CNTNAP2: variants seen among roughly 807,000 people sequenced by gnomAD.
CNTNAP2 encodes contactin associated protein 2.
A neutral mutation model predicts 155.2 loss-of-function variants in CNTNAP2; 98 were observed. The ratio of observed to expected loss-of-function variants is 0.63; its 90% CI spans 0.54 to 0.75. The LOEUF is 0.75. CNTNAP2 is among the 30% of genes least tolerant of loss of function. CNTNAP2 has a pLI of 0.00. For missense variants in CNTNAP2, 1,727 were observed against 1,688.1 expected (o/e 1.02, Z -0.40); for synonymous variants, 651 against 631.2 (o/e 1.03, Z -0.47).
At chr7:147,391,333 G>A (rs775305868) in intron 9 of CNTNAP2, among the ~76,000 whole-genome samples, 6 of 152,082 alleles carry the variant, frequency 3.9e-5, no homozygotes, top group Non-Finnish European at 7.4e-5. Context: ...TCTGCCCTCT[G>A]TGTTAGTTCT....
intron 21 of CNTNAP2, among the ~76,000 whole-genome samples, chr7:148,292,922 A>T (rs1456886576): frequency 6.6e-6 from 1 of 152,170 alleles, no homozygotes; most frequent in East Asian, 1.9e-4. Flanking sequence ...CAAGTAGCAG[A>T]TGGCTATAAT....
At chr7:148,355,305 C>T (rs936382866) in intron 21 of CNTNAP2, among the ~76,000 whole-genome samples, 5 of 150,860 alleles carry the variant, frequency 3.3e-5, no homozygotes, top group Non-Finnish European at 4.4e-5. Flanking sequence ...CCTCAGCCTC[C>T]GGAGTAAGCC....
intron 15 of CNTNAP2, among the ~76,000 whole-genome samples, chr7:148,033,765 A>G (rs1441560980): frequency 6.6e-6 from 1 of 152,232 alleles, no homozygotes; most frequent in Non-Finnish European, 1.5e-5. Context: ...GTGCAAGTGT[A>G]TGTGCATATA....
At chr7:146,631,048 G>GA (rs574487180) in intron 1 of CNTNAP2, among the ~76,000 whole-genome samples, 6 of 151,504 alleles carry the variant, frequency 4.0e-5, no homozygotes, top group Admixed American at 2.0e-4. Context: ...CACAGAATTA[G>GA]AAAAAAAACT....
Position 148,062,004 on chromosome 7 carries a change from T to TG in CNTNAP2, c.2384-56114_2384-56113insG, listed in dbSNP as rs1374200271. 3.0e-5 allele frequency among the ~76,000 whole-genome samples: 3 copies of TG among 98,506 alleles called. 1 individual carries two copies. Among genetic ancestry groups the TG allele is most frequent in the African/African-American group, 1.1e-4 (2 of 18,174 alleles). The allele number at this position is 98,506 out of a possible 152,430, so 64.6% of individuals were successfully genotyped here. Reference sequence around the variant, plus strand: ...ATAGATAGATAGATAGATAGATAGATAGATGATAGAGAGAGAGAGAGAGAG... The same window carrying TG: ...ATAGATAGATAGATAGATAGATAGATGAGATGATAGAGAGAGAGAGAGAGAG... On this transcript the variant is annotated intron_variant, in intron 15 of 23. Transcript: ENST00000361727.
chr7:146,975,528 A>G (rs1174790670), intron 3 of CNTNAP2, among the ~76,000 whole-genome samples: 2 of 152,126 alleles, frequency 1.3e-5, no homozygotes, highest in African/African-American at 4.8e-5. Context: ...AATCCACATC[A>G]CTGCTGTGCA....
intron 9 of CNTNAP2, among the ~76,000 whole-genome samples, chr7:147,360,269 T>C (rs1445316450): frequency 1.3e-5 from 2 of 152,316 alleles, no homozygotes; most frequent in East Asian, 1.9e-4. Flanking sequence ...TCAGCAATGA[T>C]ATCTAGTCTA....
chr7:148,356,009 G>T (rs527609796), intron 21 of CNTNAP2, among the ~76,000 whole-genome samples: 1 of 152,298 alleles, frequency 6.6e-6, no homozygotes, highest in African/African-American at 2.4e-5. Flanking sequence ...AATAAAATAA[G>T]TACCTTCTAG....
At chr7:146,513,401 T>C (rs2129135926) in intron 1 of CNTNAP2, among the ~76,000 whole-genome samples, 1 of 152,058 alleles carries the variant, frequency 6.6e-6, no homozygotes, top group Non-Finnish European at 1.5e-5. Context: ...ATCTTCCGTT[T>C]GGGTTTAGTA....
intron 14 of CNTNAP2, among the ~76,000 whole-genome samples, chr7:147,923,698 AT>A (rs200711986): frequency 0.018 from 2,437 of 137,758 alleles, 80 homozygotes; most frequent in African/African-American, 0.062. Flanking sequence ...AAAAAAAAAA[AT>A]TTCTAGAGAT....
intron 8 of CNTNAP2, among the ~76,000 whole-genome samples, chr7:147,261,324 G>A (rs1292980682): frequency 1.3e-5 from 2 of 152,096 alleles, no homozygotes; most frequent in Non-Finnish European, 2.9e-5. Context: ...TCCTTACTAA[G>A]CAAATTTCTC....
At chr7:147,545,167 A>T (rs562379033) in intron 11 of CNTNAP2, among the ~76,000 whole-genome samples, 6 of 152,280 alleles carry the variant, frequency 3.9e-5, no homozygotes, top group African/African-American at 1.4e-4. Context: ...AATTTTTAAG[A>T]TAAAAATATT....
At chr7:147,668,979 T>TA (rs1430657971) in intron 13 of CNTNAP2, among the ~76,000 whole-genome samples, 1 of 152,136 alleles carries the variant, frequency 6.6e-6, no homozygotes, top group Non-Finnish European at 1.5e-5. Context: ...TCTTTTATAT[T>TA]AATTTTTACT....
rs187951675 is a variant in CNTNAP2, at chr7:146,575,268, C to T, written c.98-199003C>T. 2.3e-3 allele frequency among the ~76,000 whole-genome samples: 352 copies of T among 152,206 alleles called. 6 individuals are homozygous for T. Among genetic ancestry groups the T allele is most frequent in the East Asian group, 0.013 (67 of 5,160 alleles). On this transcript the variant is annotated intron_variant, in intron 1 of 23. Transcript: ENST00000361727. ...AGTAGCTGAGATTACAGGCGTGCAC[C>T]ACCACGCCCGGCTAATTTTTGTATT...
chr7:146,921,637 T>C (rs4467861), intron 3 of CNTNAP2, among the ~76,000 whole-genome samples: 111,359 of 151,960 alleles, frequency 0.73, 42,003 homozygotes, highest in African/African-American at 0.91. Flanking sequence ...TAATCACTAC[T>C]ACGAGAACAG....
chr7:148,084,112 CT>C (rs1194382253), intron 15 of CNTNAP2, among the ~76,000 whole-genome samples: 7 of 152,322 alleles, frequency 4.6e-5, no homozygotes, highest in African/African-American at 1.7e-4. Context: ...TCACAGGAGA[CT>C]TTATTTTCTT....
At chr7:148,283,518 T>C (rs1255315345) in intron 21 of CNTNAP2, among the ~76,000 whole-genome samples, 6 of 152,218 alleles carry the variant, frequency 3.9e-5, no homozygotes, top group Non-Finnish European at 7.3e-5. Context: ...TGCAGACATG[T>C]GCTGTGCAGC....
intron 1 of CNTNAP2, among the ~76,000 whole-genome samples, chr7:146,294,205 A>G (rs1800476703): frequency 6.6e-6 from 1 of 152,204 alleles, no homozygotes; most frequent in Non-Finnish European, 1.5e-5. Context: ...CTTAAGCAAA[A>G]TTGAATTAAA....
intron 21 of CNTNAP2, among the ~76,000 whole-genome samples, chr7:148,348,936 C>T (rs984764795): frequency 6.6e-6 from 1 of 151,940 alleles, no homozygotes; most frequent in Non-Finnish European, 1.5e-5. Flanking sequence ...ATTGTATGAC[C>T]CCTCCACAAA....
Sources: gnomAD v4.1 joint callset for allele counts (sites outside exome capture counted in the v4.1 genomes callset) on GRCh38, gnomAD v4.1.1 for gene constraint, MANE v1.5 for transcripts, NCBI Gene and HGNC (gene_info 2026-07-23, HGNC 2026-07-21) for gene names.